The following HPSE2 variants were observed in gnomAD, a reference collection of about 807,000 sequenced individuals.
The protein encoded by HPSE2 is inactive heparanase-2.
HPSE2 carries 38 observed loss-of-function variants against 60.5 expected under a neutral mutation model. That is an observed-to-expected ratio of 0.63 (90% confidence interval 0.48 to 0.82). The LOEUF (loss-of-function observed/expected upper bound fraction) is 0.82. HPSE2 is among the 40% of genes least tolerant of loss of function. The pLI, the probability that HPSE2 is intolerant of heterozygous loss-of-function variation, is 0.00. For synonymous variants in HPSE2, 295 were observed against 293.2 expected (o/e 1.01, Z -0.06); for missense variants, 713 against 740.4 (o/e 0.96, Z 0.43).
At chr10:98,501,040 G>C (rs1012275579) in intron 9 of HPSE2, among the ~76,000 whole-genome samples, 2 of 151,508 alleles carry the variant, frequency 1.3e-5, no homozygotes, top group Non-Finnish European at 2.9e-5. Flanking sequence ...CATTGAGATT[G>C]AAATGGTAAT....
chr10:98,696,012 T>G (rs2134175677), intron 5 of HPSE2, among the ~76,000 whole-genome samples: 1 of 152,184 alleles, frequency 6.6e-6, no homozygotes, highest in East Asian at 1.9e-4. Flanking sequence ...TCTATGCCAC[T>G]CTAAGCAGGG....
intron 3 of HPSE2, among the ~76,000 whole-genome samples, chr10:99,134,499 C>A (rs1258184732): frequency 2.6e-5 from 4 of 152,158 alleles, no homozygotes; most frequent in Admixed American, 2.6e-4. Flanking sequence ...CAAAGGGAAG[C>A]CCATCAGACT....
intron 2 of HPSE2, among the ~76,000 whole-genome samples, chr10:99,190,019 C>G (rs1848165500): frequency 6.6e-6 from 1 of 152,196 alleles, no homozygotes; most frequent in Non-Finnish European, 1.5e-5. Context: ...CACTGTCTTT[C>G]TCTCTATGGG....
intron 11 of HPSE2, among the ~76,000 whole-genome samples, chr10:98,475,748 G>A (rs1287892053): frequency 6.6e-6 from 1 of 152,046 alleles, no homozygotes; most frequent in Non-Finnish European, 1.5e-5. Flanking sequence ...AAAAACAGAA[G>A]GGAATTCCCC....
the HPSE2 span, among the ~76,000 whole-genome samples, chr10:99,290,580 G>C: frequency 6.8e-6 from 1 of 147,148 alleles, no homozygotes; most frequent in Admixed American, 6.9e-5. Flanking sequence ...TTCCACCTCA[G>C]ACCAGGTGGT....
chr10:98,681,312 C>T lies in HPSE2; in HGVS notation c.1004+12588G>A, dbSNP rs560963737. On this transcript the variant is annotated intron_variant, in intron 6 of 11. Transcript: ENST00000370552. ...CTTTTCAAAACTTCAAGACTTCTGA[C>T]TAGATAAGTGGTGATACCAGTGAAT... is the stretch of plus-strand genomic sequence containing the variant. Among the ~76,000 whole-genome samples, 8 of 152,046 alleles carry T rather than the reference C, an allele frequency of 5.3e-5. No individual in the cohort carries two copies. In the South Asian group the frequency reaches 8.3e-4, roughly 16 times the overall value.
chr10:99,139,590 T>A (rs866525490), intron 3 of HPSE2, among the ~76,000 whole-genome samples: 20 of 152,312 alleles, frequency 1.3e-4, no homozygotes, highest in African/African-American at 3.6e-4. Flanking sequence ...TATTTATTAC[T>A]TATAAAGCAC....
chr10:98,733,586 C>T (rs1227231015), intron 4 of HPSE2, among the ~76,000 whole-genome samples: 1 of 152,178 alleles, frequency 6.6e-6, no homozygotes, highest in Non-Finnish European at 1.5e-5. Flanking sequence ...TTTAGCAAAT[C>T]ACGTCACCTC....
intron 3 of HPSE2, among the ~76,000 whole-genome samples, chr10:99,122,422 G>A (rs556036928): frequency 1.3e-3 from 202 of 151,934 alleles, no homozygotes; most frequent in African/African-American, 4.7e-3. Context: ...TGATAAGACT[G>A]TATACCTATG....
chr10:98,818,526 G>A (rs1951344179), intron 3 of HPSE2, among the ~76,000 whole-genome samples: 1 of 152,108 alleles, frequency 6.6e-6, no homozygotes. Context: ...TTCCTAGCAG[G>A]CCATGGACCA....
At chr10:98,500,329 C>T (rs1041266607) in intron 9 of HPSE2, among the ~76,000 whole-genome samples, 1 of 152,178 alleles carries the variant, frequency 6.6e-6, no homozygotes, top group Admixed American at 6.5e-5. Context: ...AGCACTCTCT[C>T]AGACCACAGT....
intron 3 of HPSE2, among the ~76,000 whole-genome samples, chr10:98,957,627 G>A (rs1430930943): frequency 6.6e-6 from 1 of 152,156 alleles, no homozygotes; most frequent in South Asian, 2.1e-4. Context: ...CCACACAGCA[G>A]TCTTCTGATT....
chr10:98,564,292 G>A (rs111731390), intron 9 of HPSE2, among the ~76,000 whole-genome samples: 10 of 152,308 alleles, frequency 6.6e-5, no homozygotes, highest in African/African-American at 2.4e-4. Context: ...CCATTAACTT[G>A]AGCAAGTTCC....
At chr10:98,529,452 C>T (rs933423219) in intron 9 of HPSE2, among the ~76,000 whole-genome samples, 15 of 152,148 alleles carry the variant, frequency 9.9e-5, no homozygotes, top group Non-Finnish European at 1.8e-4. Flanking sequence ...TCCATCTTCT[C>T]CATTTTTGTA....
chr10:98,770,796 C>G (rs995965459), intron 3 of HPSE2, among the ~76,000 whole-genome samples: 4 of 152,066 alleles, frequency 2.6e-5, no homozygotes, highest in African/African-American at 9.7e-5. Flanking sequence ...CTGCAAGTAA[C>G]AGTGAAAATG....
chr10:99,167,356 A>G (rs1847125207), intron 2 of HPSE2, among the ~76,000 whole-genome samples: 1 of 152,182 alleles, frequency 6.6e-6, no homozygotes, highest in South Asian at 2.1e-4. Flanking sequence ...TTCCAAGGTC[A>G]CACAGATTTC....
At chr10:99,030,829 A>G (rs899922493) in intron 3 of HPSE2, among the ~76,000 whole-genome samples, 1 of 152,234 alleles carries the variant, frequency 6.6e-6, no homozygotes, top group African/African-American at 2.4e-5. Context: ...AGTCATCTGC[A>G]ATAACACGGA....
intron 3 of HPSE2, among the ~76,000 whole-genome samples, chr10:99,043,345 G>A (rs967125136): frequency 1.9e-4 from 29 of 152,160 alleles, no homozygotes; most frequent in Middle Eastern, 6.8e-3. Context: ...TTAGCTGGGC[G>A]TGGTGGTGGG....
chr10:99,276,449 C>G, the HPSE2 span, among the ~76,000 whole-genome samples: 2 of 152,180 alleles, frequency 1.3e-5, no homozygotes, highest in Non-Finnish European at 2.9e-5. Flanking sequence ...CAGGGTTTTT[C>G]ACTACACATT....
Sources: allele counts gnomAD v4.1 joint callset (sites outside exome capture counted in the v4.1 genomes callset), GRCh38; gene constraint gnomAD v4.1.1; transcripts MANE v1.5; gene names NCBI Gene and HGNC (gene_info 2026-07-23, HGNC 2026-07-21).